The following WDR70 variants were observed in gnomAD, a reference collection of about 807,000 sequenced individuals.
WDR70 encodes the protein WD repeat domain 70, also known as WD repeat-containing protein 70.
In WDR70, 53 loss-of-function variants were observed where a neutral mutation model predicts 88.6. The observed-to-expected ratio is 0.60, with a 90% confidence interval of 0.48 to 0.75. The LOEUF is 0.75. Ranked by LOEUF, WDR70 falls within the 30% of genes least tolerant of loss-of-function variation. WDR70 has a pLI of 0.00. For synonymous variants in WDR70, 280 were observed against 270.0 expected, an observed-to-expected ratio of 1.04 and a Z score of -0.36; for missense variants, 610 against 823.2, an observed-to-expected ratio of 0.74 and a Z score of 3.17.
chr5:37,748,258 C>G (rs1029163228), intron 17 of WDR70, among the ~76,000 whole-genome samples: 3 of 152,066 alleles, frequency 2.0e-5, no homozygotes, highest in Admixed American at 2.0e-4. Flanking sequence ...GTTACAGTAA[C>G]CAAAACAGCC....
intron 10 of WDR70, among the ~76,000 whole-genome samples, chr5:37,672,843 ACCT>A (rs1746070312): frequency 6.6e-6 from 1 of 151,914 alleles, no homozygotes; most frequent in Non-Finnish European, 1.5e-5. Context: ...CTCTCGTCCC[ACCT>A]GATGGGAAAT....
intron 10 of WDR70, among the ~76,000 whole-genome samples, chr5:37,611,772 G>T (rs10941352): frequency 0.49 from 69,132 of 140,842 alleles, 17,673 homozygotes; most frequent in Non-Finnish European, 0.58. Context: ...AGATTATTTT[G>T]ATTTCAGCCT....
At chr5:37,664,099 A>G (rs1276752854) in intron 10 of WDR70, among the ~76,000 whole-genome samples, 3 of 152,134 alleles carry the variant, frequency 2.0e-5, no homozygotes, top group Non-Finnish European at 4.4e-5. Context: ...CTACTCCTCC[A>G]TTAATGACAC....
intron 8 of WDR70, among the ~76,000 whole-genome samples, chr5:37,513,077 G>A (rs923011407): frequency 6.6e-6 from 1 of 152,042 alleles, no homozygotes; most frequent in African/African-American, 2.4e-5. Context: ...AGGTTGATTT[G>A]TTCCTGTTTA....
intron 11 of WDR70, among the ~76,000 whole-genome samples, chr5:37,698,221 A>G (rs1218143661): frequency 6.6e-6 from 1 of 152,180 alleles, no homozygotes; most frequent in Non-Finnish European, 1.5e-5. Context: ...ATTTTTAAAA[A>G]CAGTTCTATA....
intron 10 of WDR70, among the ~76,000 whole-genome samples, chr5:37,658,178 A>C (rs1745608360): frequency 6.6e-6 from 1 of 151,978 alleles, no homozygotes; most frequent in Non-Finnish European, 1.5e-5. Flanking sequence ...GTTGAGGAGG[A>C]GGAAGAGGAG....
intron 6 of WDR70, among the ~76,000 whole-genome samples, chr5:37,442,735 A>G (rs146220453): frequency 0.017 from 2,526 of 152,338 alleles, 16 homozygotes; most frequent in Non-Finnish European, 0.025. Flanking sequence ...CCATTTGACC[A>G]TAAGGGACAG....
chr5:37,383,022 A>T lies in WDR70; in HGVS notation c.175+1337A>T, dbSNP rs13161111. Reference sequence around the variant, plus strand: ...AAGCAAAACTCCATCTCAAAATAAAAAAAATAAAATAAAATAAAATGGGCG... The same window carrying T: ...AAGCAAAACTCCATCTCAAAATAAATAAAATAAAATAAAATAAAATGGGCG... On this transcript the variant is annotated intron_variant, in intron 3 of 17. Coordinates refer to ENST00000265107, the MANE Select transcript of WDR70 (RefSeq NM_018034.4). Among the ~76,000 whole-genome samples, 90 of 152,122 alleles carry T rather than the reference A, an allele frequency of 5.9e-4. 2 individuals are homozygous for T. Among genetic ancestry groups the T allele is most frequent in the East Asian group, 2.5e-3 (13 of 5,134 alleles).
chr5:37,536,525 A>G (rs76349202), intron 9 of WDR70, among the ~76,000 whole-genome samples: 12,654 of 152,156 alleles, frequency 0.083, 596 homozygotes, highest in East Asian at 0.11. Flanking sequence ...TGCAATAAAT[A>G]ATGCCTCAAA....
At chr5:37,688,207 T>G (rs1254358525) in intron 10 of WDR70, among the ~76,000 whole-genome samples, 2 of 152,204 alleles carry the variant, frequency 1.3e-5, no homozygotes, top group Non-Finnish European at 2.9e-5. Context: ...TAAATGACCC[T>G]GGAAATCATT....
intron 5 of WDR70, among the ~76,000 whole-genome samples, chr5:37,400,667 C>T (rs948079605): frequency 3.9e-5 from 6 of 152,152 alleles, no homozygotes; most frequent in Admixed American, 2.0e-4. Flanking sequence ...AGCCTCCAGA[C>T]CTGTCAGCAA....
chr5:37,679,917 C>T (rs986756102), intron 10 of WDR70, among the ~76,000 whole-genome samples: 3 of 152,260 alleles, frequency 2.0e-5, no homozygotes, highest in Non-Finnish European at 2.9e-5. Flanking sequence ...GCTTTGTTTA[C>T]CTAAGCAAGC....
intron 12 of WDR70, 54 bp downstream of exon 12, chr5:37,701,196 C>A: frequency 8.7e-7 from 1 of 1,149,440 alleles, no homozygotes; most frequent in Non-Finnish European, 1.3e-6. Flanking sequence ...AAAAGAAGTA[C>A]TTTTACTTTA....
At chr5:37,476,545 T>C (rs1739490750) in intron 7 of WDR70, among the ~76,000 whole-genome samples, 1 of 95,390 alleles carries the variant, frequency 1.0e-5, no homozygotes, top group Non-Finnish European at 2.3e-5. Context: ...ATTGTTTCTT[T>C]TTTCTTCTTC....
At chr5:37,475,541 A>G (rs1339278622) in intron 7 of WDR70, among the ~76,000 whole-genome samples, 1 of 152,138 alleles carries the variant, frequency 6.6e-6, no homozygotes, top group Non-Finnish European at 1.5e-5. Context: ...CCTGGCCCTC[A>G]TTCCTTGATT....
intron 8 of WDR70, among the ~76,000 whole-genome samples, chr5:37,502,329 TA>T (rs1740427857): frequency 6.6e-6 from 1 of 152,186 alleles, no homozygotes; most frequent in Admixed American, 6.5e-5. Flanking sequence ...AGAAGTGTGG[TA>T]AAAGTGGGCA....
intron 10 of WDR70, among the ~76,000 whole-genome samples, chr5:37,684,027 T>C (rs372943347): frequency 6.6e-6 from 1 of 152,150 alleles, no homozygotes; most frequent in African/African-American, 2.4e-5. Context: ...TTCTCAGTGG[T>C]TTTAGATGCT....
intron 9 of WDR70, among the ~76,000 whole-genome samples, chr5:37,532,753 T>C (rs559558223): frequency 6.6e-6 from 1 of 152,294 alleles, no homozygotes; most frequent in East Asian, 1.9e-4. Context: ...TCTAAATTCT[T>C]TTTCTGGCAA....
rs1439270248 is a variant in WDR70 at position 37,381,601 on chromosome 5, G to C, written c.92-1G>C. On this transcript the variant is annotated splice_acceptor_variant, in intron 2 of 17. Coordinates refer to ENST00000265107, the MANE Select transcript of WDR70 (RefSeq NM_018034.4). LOFTEE classifies it high-confidence loss of function. Reference sequence around the variant, plus strand: ...CAGTCTCCCATTTGTTCATGTTTTAGGTAAAAAAGCTCGCACATTTGACTT... The same window carrying C: ...CAGTCTCCCATTTGTTCATGTTTTACGTAAAAAAGCTCGCACATTTGACTT... 1.9e-6 allele frequency: 3 copies of C among 1,609,308 alleles called. No homozygotes were observed. The Admixed American group carries it at 5.0e-5, about 27-fold the overall frequency.
Sources: gnomAD v4.1 joint callset for allele counts (sites outside exome capture counted in the v4.1 genomes callset) on GRCh38, gnomAD v4.1.1 for gene constraint, MANE v1.5 for transcripts, NCBI Gene and HGNC (gene_info 2026-07-23, HGNC 2026-07-21) for gene names.